UBE2E2: variants seen among roughly 807,000 people sequenced by gnomAD.
The protein encoded by UBE2E2 is ubiquitin conjugating enzyme E2 E2, also known as ubiquitin-conjugating enzyme E2 E2.
UBE2E2 carries 6 observed loss-of-function variants against 24.7 expected under a neutral mutation model. The observed-to-expected ratio is 0.24, with a 90% CI of 0.13 to 0.48. The LOEUF (loss-of-function observed/expected upper bound fraction) is 0.48. UBE2E2 is among the 20% of genes least tolerant of loss of function. The pLI is 0.99. For synonymous variants in UBE2E2, 104 were observed against 83.6 expected, an observed-to-expected ratio of 1.24 and a Z score of -1.33; for missense variants, 169 against 245.0, an observed-to-expected ratio of 0.69 and a Z score of 2.07.
chr3:23,358,774 G>T (rs1696035656), intron 3 of UBE2E2, among the ~76,000 whole-genome samples: 1 of 152,168 alleles, frequency 6.6e-6, no homozygotes, highest in Non-Finnish European at 1.5e-5. Context: ...AAGCTGATGT[G>T]CTTTAAGTTA....
chr3:23,360,023 T>C (rs1156697138), intron 3 of UBE2E2, among the ~76,000 whole-genome samples: 1 of 152,126 alleles, frequency 6.6e-6, no homozygotes, highest in Non-Finnish European at 1.5e-5. Context: ...AGGTTAGTGG[T>C]TTTACCTGCT....
chr3:23,224,350 T>C (rs1037601097), intron 3 of UBE2E2, among the ~76,000 whole-genome samples: 2 of 151,922 alleles, frequency 1.3e-5, no homozygotes, highest in East Asian at 3.9e-4. Flanking sequence ...AGTTTTATAG[T>C]TTTCTTTGTA....
At position 23,407,396 on chromosome 3, in the gene UBE2E2, TTGACATCTTGACATC is replaced by T. The variant is rs1419456149; in HGVS notation, c.228-92210_228-92196del. On this transcript the variant is annotated intron_variant, in intron 3 of 5. Transcript: ENST00000396703. This position sits in a 1 kb window ranked among gnomAD's most constrained non-coding sequence, Gnocchi z 4.0. ...AGTGTCCACAAATGTAAATGATATA[TTGACATCTTGACATC>T]TTGATTAATTGGAGGGTTTTTTCTG... is the stretch of plus-strand genomic sequence containing the variant. 1.3e-5 allele frequency among the ~76,000 whole-genome samples: 2 copies of T among 152,148 alleles called. No homozygotes were observed. Among genetic ancestry groups the T allele is most frequent in the Non-Finnish European group, 2.9e-5 (2 of 68,008 alleles).
intron 3 of UBE2E2, among the ~76,000 whole-genome samples, chr3:23,458,571 C>T (rs1467434801): frequency 2.6e-5 from 4 of 152,106 alleles, no homozygotes; most frequent in South Asian, 4.2e-4. Flanking sequence ...GCGCCCATCA[C>T]CACGCTGGGC....
At chr3:23,329,000 C>G (rs931823349) in intron 3 of UBE2E2, among the ~76,000 whole-genome samples, 1 of 152,196 alleles carries the variant, frequency 6.6e-6, no homozygotes, top group African/African-American at 2.4e-5. Context: ...TGCACATGCA[C>G]TATTTAAATT....
At chr3:23,335,424 G>A (rs1695177179) in intron 3 of UBE2E2, among the ~76,000 whole-genome samples, 2 of 152,136 alleles carry the variant, frequency 1.3e-5, no homozygotes, top group Admixed American at 6.6e-5. Context: ...AGATTGCGGA[G>A]GTAGTAAAAT....
At chr3:23,537,685 G>C (rs546339310) in intron 5 of UBE2E2, among the ~76,000 whole-genome samples, 1 of 151,888 alleles carries the variant, frequency 6.6e-6, no homozygotes, top group Non-Finnish European at 1.5e-5. Flanking sequence ...ATCACTTAAG[G>C]CCCTTTTTTT....
At chr3:23,419,053 A>C (rs1220013016) in intron 3 of UBE2E2, among the ~76,000 whole-genome samples, 1 of 151,328 alleles carries the variant, frequency 6.6e-6, no homozygotes, top group Non-Finnish European at 1.5e-5. Context: ...TCCTGGGCCC[A>C]AGGGAACCTC....
intron 2 of UBE2E2, among the ~76,000 whole-genome samples, chr3:23,215,180 C>T (rs1234165036): frequency 6.6e-6 from 1 of 152,102 alleles, no homozygotes; most frequent in Non-Finnish European, 1.5e-5. Flanking sequence ...TCTTCTCCAT[C>T]CACTTTTAGC....
At position 23,533,619 on chromosome 3, in the gene UBE2E2, A is replaced by T. The variant is rs868732729; in HGVS notation, c.508+918A>T. On this transcript the variant is annotated intron_variant, in intron 5 of 5. Coordinates refer to ENST00000396703, the MANE Select transcript of UBE2E2 (RefSeq NM_152653.4). Reference sequence around the variant, plus strand: ...ATCTTTTTTAAAGTAGCAAATTAGTATTTTTTTTTTTTTTTTTTTTTTGAA... The same window carrying T: ...ATCTTTTTTAAAGTAGCAAATTAGTTTTTTTTTTTTTTTTTTTTTTTTGAA... Among the ~76,000 whole-genome samples, 146 of 108,394 alleles carry T rather than the reference A, an allele frequency of 1.3e-3. 1 individual carries two copies. Among genetic ancestry groups the T allele is most frequent in the Middle Eastern group, 6.2e-3 (1 of 162 alleles). 71.1% of individuals were successfully genotyped at this position (108,394 alleles called of 152,430 possible).
intron 3 of UBE2E2, among the ~76,000 whole-genome samples, chr3:23,411,375 C>G (rs1697493764): frequency 6.6e-6 from 1 of 152,108 alleles, no homozygotes; most frequent in Non-Finnish European, 1.5e-5. Context: ...GGCTTCTAGA[C>G]TTTGGGGAGA....
intron 3 of UBE2E2, among the ~76,000 whole-genome samples, chr3:23,398,017 CAAAAG>C (rs1182753619): frequency 4.6e-5 from 7 of 151,968 alleles, no homozygotes; most frequent in African/African-American, 9.7e-5. Flanking sequence ...CAGTTGAACT[CAAAAG>C]AAACTTGGGG....
At chr3:23,221,040 G>A (rs1696622429) in intron 3 of UBE2E2, among the ~76,000 whole-genome samples, 1 of 152,196 alleles carries the variant, frequency 6.6e-6, no homozygotes, top group African/African-American at 2.4e-5. Context: ...ATTATGATCT[G>A]CTACTGCTAA....
At chr3:23,456,556 C>G (rs1575642158) in intron 3 of UBE2E2, among the ~76,000 whole-genome samples, 2 of 152,322 alleles carry the variant, frequency 1.3e-5, no homozygotes, top group East Asian at 3.9e-4. Flanking sequence ...CATTCATCTC[C>G]TTATACATCT....
In UBE2E2 at chr3:23,540,671, A is replaced by G. The variant is rs144261704; in HGVS notation, c.508+7970A>G. On this transcript the variant is annotated intron_variant, in intron 5 of 5. Coordinates refer to ENST00000396703, the MANE Select transcript of UBE2E2 (RefSeq NM_152653.4). ...TCCTGCCTTGGCCTCCCGAAGTGCT[A>G]GGATTACAGGCATGAGCCACCGTGC... 3.5e-3 allele frequency among the ~76,000 whole-genome samples: 539 copies of G among 152,170 alleles called. 8 individuals carry two copies. Among genetic ancestry groups the G allele is most frequent in the East Asian group, 0.015 (77 of 5,168 alleles).
chr3:23,284,960 A>G (rs1056717524), intron 3 of UBE2E2, among the ~76,000 whole-genome samples: 7 of 132,820 alleles, frequency 5.3e-5, no homozygotes, highest in Non-Finnish European at 1.1e-4. Flanking sequence ...GTTGGAAAAA[A>G]AAATATATAT....
intron 3 of UBE2E2, among the ~76,000 whole-genome samples, chr3:23,331,941 T>TA (rs1695069503): frequency 6.6e-6 from 1 of 152,242 alleles, no homozygotes; most frequent in Non-Finnish European, 1.5e-5. Context: ...CAACTAATTT[T>TA]AAAATTTTTT....
intron 3 of UBE2E2, among the ~76,000 whole-genome samples, chr3:23,223,919 G>A (rs541608997): frequency 9.9e-5 from 15 of 151,976 alleles, no homozygotes; most frequent in African/African-American, 3.4e-4. Context: ...TTCCCATTGC[G>A]TGTTATTGAT....
In UBE2E2 at chr3:23,208,550, A is replaced by G. The variant is rs142834122; in HGVS notation, c.-8-142A>G. On this transcript the variant is annotated intron_variant, in intron 1 of 5. Transcript: ENST00000396703. ...GAAGGAAAAGTTTTAGCAACTCCCA[A>G]AGCTGCATTGTTTTGTAAATGACCA... 1,642 of 579,122 alleles carry G rather than the reference A, an allele frequency of 2.8e-3. 20 individuals are homozygous for G. The highest frequency in any genetic ancestry group is 0.028 in the African/African-American group (1,436 of 51,546). 35.9% of individuals were successfully genotyped at this position (579,122 alleles called of 1,614,324 possible).
Sources: allele counts gnomAD v4.1 joint callset (sites outside exome capture counted in the v4.1 genomes callset), GRCh38; gene constraint gnomAD v4.1.1; non-coding constraint Gnocchi (gnomAD v3.1); transcripts MANE v1.5; gene names NCBI Gene and HGNC (gene_info 2026-07-23, HGNC 2026-07-21).